Variants in BAIAP2L2 observed in about 807,000 individuals in gnomAD.
BAIAP2L2 encodes the protein BAR/IMD domain containing adaptor protein 2 like 2, also known as BAR/IMD domain-containing adapter protein 2-like 2.
In BAIAP2L2, 65 loss-of-function variants were observed where a neutral mutation model predicts 60.4. That is an observed-to-expected ratio of 1.08 (90% CI 0.88 to 1.32). BAIAP2L2 has a LOEUF of 1.32. Ranked by LOEUF, BAIAP2L2 falls within the 40% of genes most tolerant of loss-of-function variation. BAIAP2L2 has a pLI of 0.00. For synonymous variants in BAIAP2L2, 344 were observed against 301.7 expected, an observed-to-expected ratio of 1.14 and a Z score of -1.45; for missense variants, 836 against 741.2, an observed-to-expected ratio of 1.13 and a Z score of -1.48.
chr22:38,092,357 A>G (rs1000949035), intron 7 of BAIAP2L2, among the ~76,000 whole-genome samples: 1 of 152,036 alleles, frequency 6.6e-6, no homozygotes, highest in African/African-American at 2.4e-5. Flanking sequence ...GCTCACTGCA[A>G]CCTCTGCCTC....
In BAIAP2L2 at chr22:38,086,334, C is replaced by G; in HGVS notation, c.1375G>C (p.Val459Leu). 6.4e-7 allele frequency: 1 copy of G among 1,568,440 alleles called. No individual in the cohort carries two copies. Among genetic ancestry groups the G allele is most frequent in the Non-Finnish European group, 8.7e-7 (1 of 1,151,850 alleles). ...GCAGGGCTGGGGGCACGGCTTGGCA[C>G]CCGGCTTGGGGTGCGGGAGCGGGAC... ...GQSRSRTPSR[V>L]PSRAPSPAPP... The change falls in exon 12 of 14, where the codon GTG becomes CTG. Residue 459 changes from valine (V) to leucine (L), a missense_variant. Transcript: ENST00000381669.
chr22:38,106,128 G>T (rs2086660337), intron 4 of BAIAP2L2, among the ~76,000 whole-genome samples: 1 of 152,198 alleles, frequency 6.6e-6, no homozygotes, highest in African/African-American at 2.4e-5. Flanking sequence ...GGTGGCAGGG[G>T]CTTAATGCTA....
rs780827255 is a variant in BAIAP2L2 at position 38,085,379 on chromosome 22, T to C, written c.1515-4A>G. On this transcript the variant is annotated splice_region_variant and splice_polypyrimidine_tract_variant and intron_variant, in intron 13 of 13. Transcript: ENST00000381669. ...AGTGGCAAAAGGATTTGTGCCCCTG[T>C]AGGAGGAGAGAGAGAATGGGGTGAG... 1 of 1,613,238 alleles carries C rather than the reference T, an allele frequency of 6.2e-7. No individual in the cohort carries two copies.
intron 6 of BAIAP2L2, among the ~76,000 whole-genome samples, chr22:38,097,604 A>G (rs1257625675): frequency 6.6e-6 from 1 of 152,178 alleles, no homozygotes; most frequent in East Asian, 1.9e-4. Flanking sequence ...CAGAGGGTTA[A>G]TCCATGGGTT....
Sources: gnomAD v4.1 joint callset for allele counts (sites outside exome capture counted in the v4.1 genomes callset) on GRCh38, gnomAD v4.1.1 for gene constraint, MANE v1.5 for transcripts, NCBI Gene and HGNC (gene_info 2026-07-23, HGNC 2026-07-21) for gene names.